SLF2: variants seen among roughly 807,000 people sequenced by gnomAD.
SLF2 encodes SMC5-SMC6 complex localization factor protein 2.
Under a neutral mutation model 124.3 loss-of-function variants are expected in SLF2, and 68 were observed. The observed-to-expected ratio is 0.55, with a 90% CI of 0.45 to 0.67. The LOEUF is 0.67. Among genes scored for constraint, SLF2 ranks in the 30% least tolerant of loss-of-function variants. The pLI is 0.00. For missense variants in SLF2, 1,246 were observed against 1,373.7 expected (o/e 0.91, Z 1.47); for synonymous variants, 480 against 478.8 (o/e 1.00, Z -0.03).
chr10:100,913,516 A>T, intron 1 of SLF2: 1 of 1,250,474 alleles, frequency 8.0e-7, no homozygotes, highest in African/African-American at 1.5e-5. Context: ...AAAGAAAGTG[A>T]TTTTTTTCCT....
In SLF2 at chr10:100,918,444, A is replaced by G; in HGVS notation, c.973+3A>G. 1 of 1,562,276 alleles carries G rather than the reference A, an allele frequency of 6.4e-7. No individual in the cohort carries two copies. The highest frequency in any genetic ancestry group is 8.7e-7 in the Non-Finnish European group (1 of 1,153,032). ...TGATTCATGGGAACCTACTTCAGGTAGAATCAAAATTAAATTTATGGATTT... is the reference window on the plus strand; with the variant it reads ...TGATTCATGGGAACCTACTTCAGGTGGAATCAAAATTAAATTTATGGATTT... On this transcript the variant is annotated splice_donor_region_variant and intron_variant, in intron 4 of 19. Transcript: ENST00000238961.
chr10:100,933,238 A>G (rs1413142584), intron 9 of SLF2, among the ~76,000 whole-genome samples: 1 of 152,196 alleles, frequency 6.6e-6, no homozygotes, highest in Non-Finnish European at 1.5e-5. Context: ...ATGTGGGCCC[A>G]TTGTTATAGC....
chr10:100,956,354 A>C (rs1402695340), intron 17 of SLF2, 97 bp from the exon 18 acceptor site: 1 of 862,090 alleles, frequency 1.2e-6, no homozygotes, highest in African/African-American at 1.7e-5. Context: ...CAGGAATAAT[A>C]GATTTTTAAA....
chr10:100,918,754 G>T (rs1849468629), intron 4 of SLF2, among the ~76,000 whole-genome samples: 1 of 152,096 alleles, frequency 6.6e-6, no homozygotes. Flanking sequence ...TTCCTGAGTA[G>T]CTGGGACTAC....
chr10:100,953,210 T>TG (rs1850254419), intron 17 of SLF2, among the ~76,000 whole-genome samples: 1 of 151,552 alleles, frequency 6.6e-6, no homozygotes, highest in Non-Finnish European at 1.5e-5. Flanking sequence ...TTAGTAGAGA[T>TG]GGGGTTTCAC....
intron 17 of SLF2, among the ~76,000 whole-genome samples, chr10:100,955,789 C>A (rs1310478020): frequency 3.9e-5 from 6 of 151,964 alleles, no homozygotes; most frequent in African/African-American, 1.5e-4. Context: ...CACTTGTAAT[C>A]CCAGCTACTC....
Position 100,937,542 on chromosome 10 carries a change from T to C in SLF2, c.2512+65T>C, listed in dbSNP as rs1325539567. 5.3e-6 allele frequency: 5 copies of C among 946,346 alleles called. No individual in the cohort carries two copies. The East Asian group carries it at 7.2e-5, about 14-fold the overall frequency. 58.6% of individuals were successfully genotyped at this position (946,346 alleles called of 1,614,324 possible). On this transcript the variant is annotated intron_variant, in intron 10 of 19. Coordinates refer to ENST00000238961, the MANE Select transcript of SLF2 (RefSeq NM_018121.4). ...TTGGTTGCTATTTACATGGTATCTT[T>C]CACATTGCTAAATGTTAGTATATTT...
In SLF2 at chr10:100,916,005, G is replaced by A; in HGVS notation, c.147G>A (p.Gln49=). The A allele has an allele frequency of 6.2e-7, 1 of 1,609,898 alleles. No homozygotes were observed. Among genetic ancestry groups the A allele is most frequent in the Non-Finnish European group, 8.5e-7 (1 of 1,177,242 alleles). Residue 49 remains glutamine (Q), a synonymous_variant, in exon 2 of 20, where the codon CAG becomes CAA. Transcript: ENST00000238961. The part of the protein sequence containing the change: ...KRTESPGDRK[Q]SIIDFFKPAS... ...ATTATGCTTTTATTTTCAGGAAGCA[G>A]TCAATTATAGATTTCTTCAAACCAG...
chr10:100,958,101 A>G (rs1850366513), intron 18 of SLF2, among the ~76,000 whole-genome samples: 1 of 152,132 alleles, frequency 6.6e-6, no homozygotes, highest in African/African-American at 2.4e-5. Context: ...CTTTTTTCTA[A>G]AGATTTTTTT....
chr10:100,933,603 T>A (rs1849787693), intron 9 of SLF2, among the ~76,000 whole-genome samples: 1 of 152,156 alleles, frequency 6.6e-6, no homozygotes, highest in Admixed American at 6.5e-5. Flanking sequence ...TTTTTAACAA[T>A]TTTCAAAAGG....
chr10:100,957,345 T>A (rs1850351076), intron 18 of SLF2, among the ~76,000 whole-genome samples: 1 of 52,176 alleles, frequency 1.9e-5, no homozygotes, highest in Middle Eastern at 0.02. Context: ...TTTTTTTTTT[T>A]TTTTTTTTTT....
rs1240107364 is a variant in SLF2, at chr10:100,962,180, A to G, written c.*268A>G. On this transcript the variant is annotated 3_prime_UTR_variant, in exon 20 of 20. Coordinates refer to ENST00000238961, the MANE Select transcript of SLF2 (RefSeq NM_018121.4). ...AGGGGAGGGGTAGAAGCAGAATAAT[A>G]GTCATATGTCTAACCTGCCCCAGTT... 3.2e-6 allele frequency: 1 copy of G among 311,786 alleles called. No individual in the cohort carries two copies. Among genetic ancestry groups the G allele is most frequent in the East Asian group, 5.1e-5 (1 of 19,718 alleles). 19.3% of individuals were successfully genotyped at this position (311,786 alleles called of 1,614,324 possible).
chr10:100,913,001 T>G lies in SLF2; in HGVS notation c.-110T>G, dbSNP rs1849343641. 8.3e-7 allele frequency: 1 copy of G among 1,210,440 alleles called. No homozygotes were observed. The highest frequency in any genetic ancestry group is 1.2e-6 in the Non-Finnish European group (1 of 865,036). The allele number at this position is 1,210,440 out of a possible 1,614,324, so 75.0% of individuals were successfully genotyped here. A position where few individuals can be genotyped will look rare whatever the true frequency, so the allele number is the denominator to read the frequency against. On this transcript the variant is annotated 5_prime_UTR_variant, in exon 1 of 20. Transcript: ENST00000238961. ...GAACCGCCATGAAGAGAGAAGGGGG[T>G]GCCGCCCACCTCTGCTCCGACAGCC...
At chr10:100,932,868 G>A (rs1292088911) in intron 9 of SLF2, among the ~76,000 whole-genome samples, 3 of 128,466 alleles carry the variant, frequency 2.3e-5, no homozygotes, top group Non-Finnish European at 3.7e-5. Context: ...AAGGTCTTGC[G>A]GTTAAGGTAA....
intron 8 of SLF2, among the ~76,000 whole-genome samples, chr10:100,930,691 C>T (rs12416426): frequency 9.8e-5 from 15 of 152,318 alleles, no homozygotes; most frequent in Admixed American, 9.8e-4. Flanking sequence ...TTTTAAAGTA[C>T]TTCCCCAGTC....
At chr10:100,957,597 G>C (rs1297825028) in intron 18 of SLF2, among the ~76,000 whole-genome samples, 1 of 150,748 alleles carries the variant, frequency 6.6e-6, no homozygotes, top group Admixed American at 6.6e-5. Context: ...CTGACCTCGT[G>C]ATCTGCCTGC....
chr10:100,947,097 G>A lies in SLF2; in HGVS notation c.2993G>A (p.Trp998Ter), dbSNP rs751248110. Residue 998 changes from tryptophan (W) to a stop codon, truncating the protein, a stop_gained, in exon 14 of 20, where the codon TGG (tryptophan) becomes TAG (stop). Coordinates refer to ENST00000238961, the MANE Select transcript of SLF2 (RefSeq NM_018121.4). LOFTEE classifies it high-confidence loss of function. ...TCCAGTCATCCCCACAACCTCCTGT[G>A]GTTGGTACAGCTGGTCCCTAATTGG... ...ELSSHPHNLL[W>*]LVQLVPNWTS... 4 of 1,608,794 alleles carry A rather than the reference G, an allele frequency of 2.5e-6. No homozygotes were observed. The highest frequency in any genetic ancestry group is 1.3e-5 in the African/African-American group (1 of 74,454).
intron 7 of SLF2, 114 bp from the exon 8 acceptor site, chr10:100,929,716 C>T: frequency 1.2e-6 from 1 of 818,202 alleles, no homozygotes. Flanking sequence ...TGCTAGTCTT[C>T]TAATTTGGGA....
At chr10:100,949,594 A>G (rs1324355091) in intron 15 of SLF2, among the ~76,000 whole-genome samples, 1 of 150,790 alleles carries the variant, frequency 6.6e-6, no homozygotes, top group Admixed American at 6.6e-5. Context: ...TTAACTTAAA[A>G]TCCCTTTTTT....
Sources: allele counts gnomAD v4.1 joint callset (sites outside exome capture counted in the v4.1 genomes callset), GRCh38; gene constraint gnomAD v4.1.1; transcripts MANE v1.5; gene names NCBI Gene and HGNC (gene_info 2026-07-23, HGNC 2026-07-21).